The following SLC25A25 variants were observed in gnomAD, a reference collection of about 807,000 sequenced individuals.
SLC25A25 encodes mitochondrial adenyl nucleotide antiporter SLC25A25.
In SLC25A25, 32 loss-of-function variants were observed where a neutral mutation model predicts 57.7. That is an observed-to-expected ratio of 0.55 (90% CI 0.42 to 0.74). The LOEUF is 0.74. Ranked by LOEUF, SLC25A25 falls within the 30% of genes least tolerant of loss-of-function variation. The pLI is 0.00. For synonymous variants in SLC25A25, 306 were observed against 291.2 expected, an observed-to-expected ratio of 1.05 and a Z score of -0.52; for missense variants, 556 against 701.3, an observed-to-expected ratio of 0.79 and a Z score of 2.34.
intron 9 of SLC25A25, 87 bp downstream of exon 9, chr9:128,106,607 G>A (rs1834050945): frequency 2.1e-6 from 3 of 1,434,564 alleles, no homozygotes; most frequent in South Asian, 2.7e-5. Flanking sequence ...CGTGGTTAGT[G>A]CAGGAAACTG....
Position 128,086,105 on chromosome 9 carries a change from T to C in SLC25A25, c.262-14991T>C, listed in dbSNP as rs180953897. Among the ~76,000 whole-genome samples, 443 of 152,252 alleles carry C rather than the reference T, an allele frequency of 2.9e-3. 9 individuals are homozygous for C. The highest frequency in any genetic ancestry group is 0.015 in the East Asian group (79 of 5,180). The stretch of plus-strand genomic sequence containing the variant: ...GTGCACTTGAAAAGAATGTGTATTC[T>C]GCTGTTGTTGGGTGGAGTATTTTGT... On this transcript the variant is annotated intron_variant, in intron 1 of 10. Coordinates refer to ENST00000373069, the MANE Select transcript of SLC25A25 (RefSeq NM_001330988.2).
chr9:128,106,509 G>T lies in SLC25A25; in HGVS notation c.1201G>T (p.Ala401Ser). 6.2e-7 allele frequency: 1 copy of T among 1,605,496 alleles called. No individual in the cohort carries two copies. Among genetic ancestry groups the T allele is most frequent in the Non-Finnish European group, 8.5e-7 (1 of 1,177,810 alleles). ...CATCCCCTATGCCGGCATCGACCTTGCAGTCTACGAGGTGAGGCCCAAGCT... is the reference window on the plus strand; with the variant it reads ...CATCCCCTATGCCGGCATCGACCTTTCAGTCTACGAGGTGAGGCCCAAGCT... ...GIIPYAGIDL[A>S]VYETLKNAWL... The change falls in exon 9 of 11, where the codon GCA becomes TCA. Residue 401 changes from alanine to serine, a missense_variant. Ala to Ser is a moderately conservative substitution (Grantham distance 99). This residue lies in a region of SLC25A25 where 294 missense variants were observed against 389.6 expected (regional missense o/e 0.75). Transcript: ENST00000373069.
chr9:128,083,421 A>G (rs1452596091), intron 1 of SLC25A25, among the ~76,000 whole-genome samples: 1 of 151,698 alleles, frequency 6.6e-6, no homozygotes, highest in East Asian at 1.9e-4. Flanking sequence ...GTCAAATAAA[A>G]TCTCGCTTCA....
At chr9:128,083,213 G>A (rs530643437) in intron 1 of SLC25A25, among the ~76,000 whole-genome samples, 271 of 144,608 alleles carry the variant, frequency 1.9e-3, no homozygotes, top group Non-Finnish European at 2.8e-3. Context: ...AGGTGACAGA[G>A]TGAGACTCCG....
In SLC25A25 at chr9:128,103,632, G is replaced by C. The variant is rs765597660; in HGVS notation, c.625-49G>C. On this transcript the variant is annotated intron_variant, in intron 5 of 10. Coordinates refer to ENST00000373069, the MANE Select transcript of SLC25A25 (RefSeq NM_001330988.2). This position sits in a 1 kb window ranked among gnomAD's most constrained non-coding sequence, Gnocchi z 6.7. ...GGGTAGACGGCGACAGGTGCCAGCAGCCTTGCCCCAAGGGTCCTGAGTCAG... is the reference window on the plus strand; with the variant it reads ...GGGTAGACGGCGACAGGTGCCAGCACCCTTGCCCCAAGGGTCCTGAGTCAG... 5 of 1,613,486 alleles carry C rather than the reference G, an allele frequency of 3.1e-6. No individual in the cohort carries two copies. The highest frequency in any genetic ancestry group is 3.4e-6 in the Non-Finnish European group (4 of 1,179,594).
Position 128,102,314 on chromosome 9 carries a change from A to G in SLC25A25, c.513-56A>G. ...CCTTGGCTCACTGGGAGGTGGGGGGATGCAGCTGGCGGATGGGCATGTGGG... is the reference window on the plus strand; with the variant it reads ...CCTTGGCTCACTGGGAGGTGGGGGGGTGCAGCTGGCGGATGGGCATGTGGG... On this transcript the variant is annotated intron_variant, in intron 4 of 10. Transcript: ENST00000373069. This position sits in a 1 kb window ranked among gnomAD's most constrained non-coding sequence, Gnocchi z 4.1. 6.6e-7 allele frequency: 1 copy of G among 1,516,336 alleles called. No individual in the cohort carries two copies. Among genetic ancestry groups the G allele is most frequent in the South Asian group, 1.1e-5 (1 of 87,694 alleles). 93.9% of individuals were successfully genotyped at this position (1,516,336 alleles called of 1,614,324 possible).
intron 1 of SLC25A25, among the ~76,000 whole-genome samples, chr9:128,083,527 T>TG (rs1833205714): frequency 6.7e-6 from 1 of 148,740 alleles, no homozygotes; most frequent in African/African-American, 2.5e-5. Context: ...TTTTTTTTTT[T>TG]GAGATGAAGT....
intron 1 of SLC25A25, among the ~76,000 whole-genome samples, chr9:128,072,588 G>A (rs1021673111): frequency 6.6e-6 from 1 of 152,120 alleles, no homozygotes; most frequent in South Asian, 2.1e-4. Context: ...AGAAGAGATG[G>A]GACACTCATA....
rs1268077323 is a variant in SLC25A25, at chr9:128,070,192, G to A, written c.261+1612G>A. Among the ~76,000 whole-genome samples, 5 of 141,788 alleles carry A rather than the reference G, an allele frequency of 3.5e-5. No individual in the cohort carries two copies. The South Asian group carries it at 9.0e-4, about 26-fold the overall frequency. 93.0% of individuals were successfully genotyped at this position (141,788 alleles called of 152,430 possible). A position where few individuals can be genotyped will look rare whatever the true frequency, so the allele number is the denominator to read the frequency against. On this transcript the variant is annotated intron_variant, in intron 1 of 10. Transcript: ENST00000373069. ...TGCAAGCTCCGCCTCCGGGGTTCACGCCATTCTCCTGCCTCAGCCTCCCTA... is the reference window on the plus strand; with the variant it reads ...TGCAAGCTCCGCCTCCGGGGTTCACACCATTCTCCTGCCTCAGCCTCCCTA...
intron 1 of SLC25A25, among the ~76,000 whole-genome samples, chr9:128,088,290 A>C (rs1833321561): frequency 6.6e-6 from 1 of 152,160 alleles, no homozygotes; most frequent in Admixed American, 6.5e-5. Context: ...ACTCTGGCTG[A>C]CAGGAACGGG....
chr9:128,093,733 G>A (rs932113535), intron 1 of SLC25A25, among the ~76,000 whole-genome samples: 1 of 152,258 alleles, frequency 6.6e-6, no homozygotes, highest in Non-Finnish European at 1.5e-5. Flanking sequence ...CATGGATGCA[G>A]CCCGCATCCT....
chr9:128,077,202 G>A (rs1164730683), intron 1 of SLC25A25, among the ~76,000 whole-genome samples: 1 of 152,198 alleles, frequency 6.6e-6, no homozygotes, highest in African/African-American at 2.4e-5. Context: ...TTATAGTACA[G>A]ACTTTCCTCG....
intron 1 of SLC25A25, among the ~76,000 whole-genome samples, chr9:128,081,234 CCTCT>C (rs1833149768): frequency 6.6e-6 from 1 of 152,214 alleles, no homozygotes; most frequent in Non-Finnish European, 1.5e-5. Context: ...ACCCCCTTGA[CCTCT>C]CTCCTGCCTG....
At chr9:128,070,969 A>AAAAAAAAAAAAAAAAAAAAG (rs1564175718) in intron 1 of SLC25A25, among the ~76,000 whole-genome samples, 1 of 131,150 alleles carries the variant, frequency 7.6e-6, no homozygotes, top group Non-Finnish European at 1.7e-5. Context: ...AAAAAAAAAA[A>AAAAAAAAAAAAAAAAAAAAG]AAAAGAAAGA....
At chr9:128,076,742 A>G (rs926070603) in intron 1 of SLC25A25, among the ~76,000 whole-genome samples, 6 of 152,164 alleles carry the variant, frequency 3.9e-5, no homozygotes, top group African/African-American at 1.4e-4. Flanking sequence ...TGCTGGGATT[A>G]CAGGCGTGAG....
Position 128,102,084 on chromosome 9 carries a change from C to T in SLC25A25, c.481C>T (p.Arg161Ter), listed in dbSNP as rs991058347. 5.2e-5 allele frequency: 80 copies of T among 1,550,468 alleles called. 1 individual carries two copies. Among genetic ancestry groups the T allele is most frequent in the Non-Finnish European group, 6.2e-5 (71 of 1,147,000 alleles). Reference sequence around the variant, plus strand: ...CATCCTTTGTCTGTCTGTCAGAATACGAACGGGCCATTTCTGGGGCCCTGT... The same window carrying T: ...CATCCTTTGTCTGTCTGTCAGAATATGAACGGGCCATTTCTGGGGCCCTGT... ...QQAEKILKRI[R>*]TGHFWGPVTY... The change falls in exon 4 of 11, where the codon CGA (arginine) becomes TGA (stop). Residue 161 changes from arginine to a stop codon, truncating the protein, a stop_gained. Coordinates refer to ENST00000373069, the MANE Select transcript of SLC25A25 (RefSeq NM_001330988.2). LOFTEE classifies it high-confidence loss of function. This position sits in a 1 kb window ranked among gnomAD's most constrained non-coding sequence, Gnocchi z 4.1.
In SLC25A25 at chr9:128,102,894, C is replaced by T. The variant is rs190917878; in HGVS notation, c.624+413C>T. Among the ~76,000 whole-genome samples the T allele has an allele frequency of 2.3e-4, 35 of 152,334 alleles. No homozygotes were observed. The highest frequency in any genetic ancestry group is 3.5e-4 in the Non-Finnish European group (24 of 68,034). Reference sequence around the variant, plus strand: ...TAGGCAGAGCTGTGAGGTGTCCCCACGGTCACACATTTGCTGCCCTCTCGC... The same window carrying T: ...TAGGCAGAGCTGTGAGGTGTCCCCATGGTCACACATTTGCTGCCCTCTCGC... On this transcript the variant is annotated intron_variant, in intron 5 of 10. Transcript: ENST00000373069. This position sits in a 1 kb window ranked among gnomAD's most constrained non-coding sequence, Gnocchi z 4.1.
chr9:128,089,746 C>T (rs1833356308), intron 1 of SLC25A25, among the ~76,000 whole-genome samples: 1 of 151,900 alleles, frequency 6.6e-6, no homozygotes, highest in Non-Finnish European at 1.5e-5. Flanking sequence ...GATCCTCCCA[C>T]CTCTCAGCCT....
intron 1 of SLC25A25, among the ~76,000 whole-genome samples, chr9:128,097,256 T>G (rs561942311): frequency 6.6e-6 from 1 of 152,228 alleles, no homozygotes; most frequent in South Asian, 2.1e-4. Context: ...CACGAATCTG[T>G]GGGGAAGGAA....
Sources: allele counts gnomAD v4.1 joint callset (sites outside exome capture counted in the v4.1 genomes callset), GRCh38; gene constraint gnomAD v4.1.1; regional missense constraint gnomAD v4.1.1; non-coding constraint Gnocchi (gnomAD v3.1); transcripts MANE v1.5; gene names NCBI Gene and HGNC (gene_info 2026-07-23, HGNC 2026-07-21).